DDX5: variants seen among roughly 807,000 people sequenced by gnomAD.
The protein encoded by DDX5 is DEAD-box helicase 5, also known as probable ATP-dependent RNA helicase DDX5.
A neutral mutation model predicts 68.6 loss-of-function variants in DDX5; 6 were observed. That is an observed-to-expected ratio of 0.09 (90% confidence interval 0.05 to 0.17). DDX5 has a LOEUF of 0.17. Among genes scored for constraint, DDX5 ranks in the 10% least tolerant of loss-of-function variants. The pLI is 1.00. For missense variants in DDX5, 499 were observed against 756.1 expected, an observed-to-expected ratio of 0.66 and a Z score of 3.99; for synonymous variants, 350 against 247.0, an observed-to-expected ratio of 1.42 and a Z score of -3.91.
chr17:64,501,375 C>G (rs1431694160), intron 11 of DDX5: 2 of 159,770 alleles, frequency 1.3e-5, no homozygotes, highest in Non-Finnish European at 2.8e-5. Flanking sequence ...ATGACGACTA[C>G]TGTGTAGGTG....
intron 1 of DDX5, chr17:64,505,251 C>T (rs1045965373): frequency 8.5e-5 from 22 of 257,836 alleles, no homozygotes; most frequent in Non-Finnish European, 1.5e-4. Context: ...ACTCATATGG[C>T]CGTTTTGGAA....
chr17:64,506,835 C>CT, upstream of DDX5: 1 of 599,744 alleles, frequency 1.7e-6, no homozygotes, highest in Non-Finnish European at 3.0e-6. Context: ...TCTGATAATC[C>CT]TTTGACGGGT....
intron 11 of DDX5, chr17:64,501,686 T>C: frequency 2.6e-6 from 1 of 378,576 alleles, no homozygotes. Context: ...ACCACGGCAG[T>C]GAACTGTGAG....
In DDX5 at chr17:64,498,842, T is replaced by C. The variant is rs530681334; in HGVS notation, c.*1081A>G. Among the ~76,000 whole-genome samples, 1 of 152,224 alleles carries C rather than the reference T, an allele frequency of 6.6e-6. No homozygotes were observed. The highest frequency in any genetic ancestry group is 2.4e-5 in the African/African-American group (1 of 41,480). ...GGATCTTTCTAGCAATAAACCCATG[T>C]TGAACCTACCATGAAAACTTTCATT... On this transcript the variant is annotated 3_prime_UTR_variant, in exon 13 of 13. Transcript: ENST00000225792.
At chr17:64,505,816 C>T (rs1389233655) in intron 1 of DDX5, 4 of 1,535,982 alleles carry the variant, frequency 2.6e-6, no homozygotes, top group African/African-American at 1.4e-5. Flanking sequence ...CTCTCAACTC[C>T]CTCAACAGCT....
At chr17:64,505,847 A>G in intron 1 of DDX5, 1 of 1,536,076 alleles carries the variant, frequency 6.5e-7, no homozygotes, top group South Asian at 1.2e-5. Flanking sequence ...AGCCGCCCCG[A>G]CAGCTCCCCA....
chr17:64,499,775 C>A lies in DDX5; in HGVS notation c.*148G>T. ...TTCAGGAATGTAGAGAAATATCCAA[C>A]TTAAATAGCGAAAAAGTGCACCATA... On this transcript the variant is annotated 3_prime_UTR_variant, in exon 13 of 13. Transcript: ENST00000225792. 1.4e-6 allele frequency: 1 copy of A among 712,588 alleles called. No homozygotes were observed. The highest frequency in any genetic ancestry group is 1.8e-5 in the African/African-American group (1 of 55,854). 44.1% of individuals were successfully genotyped at this position (712,588 alleles called of 1,614,324 possible).
chr17:64,506,280 T>A lies in DDX5; in HGVS notation c.-161A>T. 2 of 1,531,872 alleles carry A rather than the reference T, an allele frequency of 1.3e-6. No homozygotes were observed. Among genetic ancestry groups the A allele is most frequent in the Non-Finnish European group, 1.8e-6 (2 of 1,139,406 alleles). The allele number at this position is 1,531,872 out of a possible 1,614,324, so 94.9% of individuals were successfully genotyped here. On this transcript the variant is annotated 5_prime_UTR_variant, in exon 1 of 13. Coordinates refer to ENST00000225792, the MANE Select transcript of DDX5 (RefSeq NM_004396.5). ...CTGCACTACTAGAGACCGGTAGAAA[T>A]GAATGAGGTGCCGGCCGCTTTCCGG...
chr17:64,505,288 A>G (rs1357729776), intron 1 of DDX5: 1 of 314,334 alleles, frequency 3.2e-6, no homozygotes, highest in Non-Finnish European at 6.0e-6. Context: ...GTAAGAACCT[A>G]AACAGTACAG....
At chr17:64,505,062 G>A (rs1555671950) in intron 1 of DDX5, 3 of 421,600 alleles carry the variant, frequency 7.1e-6, no homozygotes, top group Non-Finnish European at 1.2e-5. Flanking sequence ...AAACAGCCTG[G>A]GATTTATCAT....
intron 5 of DDX5, 84 bp from the exon 6 acceptor site, chr17:64,503,655 C>T (rs2038353047): frequency 6.4e-7 from 1 of 1,574,024 alleles, no homozygotes. Flanking sequence ...ATCCTTTCTT[C>T]ATGTGTTGTC....
rs1555670458 is a variant in DDX5, at chr17:64,499,302, T to C, written c.*621A>G. 6.6e-6 allele frequency among the ~76,000 whole-genome samples: 1 copy of C among 152,280 alleles called. No homozygotes were observed. Among genetic ancestry groups the C allele is most frequent in the African/African-American group, 2.4e-5 (1 of 41,560 alleles). ...ATGACTTTGTATCTATTTTACTATT[T>C]TCTCATTTAACCATACTAGCAAATA... On this transcript the variant is annotated 3_prime_UTR_variant, in exon 13 of 13. Transcript: ENST00000225792.
upstream of DDX5, chr17:64,506,409 C>T (rs1208078491): frequency 2.2e-6 from 3 of 1,393,192 alleles, no homozygotes; most frequent in Non-Finnish European, 2.8e-6. Flanking sequence ...GCAACGCCCG[C>T]TGGCGTTCCA....
chr17:64,500,810 C>T (rs781872208), intron 11 of DDX5, 37 bp from the exon 12 acceptor site: 24 of 1,500,972 alleles, frequency 1.6e-5, no homozygotes, highest in Admixed American at 3.3e-5. Context: ...TAGCAATGTA[C>T]GGAGTTTTGC....
intron 1 of DDX5, chr17:64,505,576 T>C: frequency 1.4e-6 from 1 of 715,870 alleles, no homozygotes. Flanking sequence ...CCGGGCGGGG[T>C]AACAAAGGCG....
At chr17:64,500,868 C>A in intron 11 of DDX5, 95 bp from the exon 12 acceptor site, 1 of 889,150 alleles carries the variant, frequency 1.1e-6, no homozygotes, top group South Asian at 1.5e-5. Flanking sequence ...AATTGTATTC[C>A]CAAGAAGGTA....
At chr17:64,501,882 AAGAC>A (rs1555671156) in intron 11 of DDX5, 124 bp downstream of exon 11, 1 of 942,146 alleles carries the variant, frequency 1.1e-6, no homozygotes, top group African/African-American at 1.7e-5. Context: ...CCTTGCCACA[AAGAC>A]AGCACCTTTA....
At chr17:64,506,585 C>G, upstream of DDX5, 1 of 405,822 alleles carries the variant, frequency 2.5e-6, no homozygotes, top group Non-Finnish European at 4.5e-6. Flanking sequence ...CCCACCCTCG[C>G]CACTCGGAGA....
At chr17:64,502,883 A>G (rs782244474) in intron 8 of DDX5, 43 bp downstream of exon 8, 30 of 1,517,850 alleles carry the variant, frequency 2.0e-5, no homozygotes, top group South Asian at 6.5e-5. Context: ...ATTTTACAGC[A>G]AAGTTGTTAG....
Sources: gnomAD v4.1 joint callset for allele counts (sites outside exome capture counted in the v4.1 genomes callset) on GRCh38, gnomAD v4.1.1 for gene constraint, MANE v1.5 for transcripts, NCBI Gene and HGNC (gene_info 2026-07-23, HGNC 2026-07-21) for gene names.